Variants in SLC25A21 observed in about 807,000 individuals in gnomAD.
SLC25A21 encodes solute carrier family 25 member 21.
A neutral mutation model predicts 43.8 loss-of-function variants in SLC25A21; 47 were observed. The observed-to-expected ratio is 1.07, with a 90% confidence interval of 0.85 to 1.37. The LOEUF (loss-of-function observed/expected upper bound fraction) is 1.37, where lower values mean the gene tolerates loss of function less well. Ranked by LOEUF, SLC25A21 falls within the 40% of genes most tolerant of loss-of-function variation. The pLI is 0.00. For missense variants in SLC25A21, 352 were observed against 350.2 expected (o/e 1.00, Z -0.04); for synonymous variants, 131 against 121.3 (o/e 1.08, Z -0.52).
intron 5 of SLC25A21, among the ~76,000 whole-genome samples, chr14:36,726,610 C>T (rs371762073): frequency 3.8e-4 from 58 of 152,320 alleles, no homozygotes; most frequent in African/African-American, 1.4e-3. Context: ...CAGGAAAGGA[C>T]AATTTTCTAG....
intron 2 of SLC25A21, among the ~76,000 whole-genome samples, chr14:36,873,268 G>A (rs143186904): frequency 6.6e-6 from 1 of 151,808 alleles, no homozygotes; most frequent in Admixed American, 6.6e-5. Flanking sequence ...TATAATTTGT[G>A]GTTTTCTTTT....
chr14:36,862,761 A>T (rs555885754), intron 2 of SLC25A21, among the ~76,000 whole-genome samples: 3 of 152,294 alleles, frequency 2.0e-5, no homozygotes, highest in South Asian at 2.1e-4. Flanking sequence ...AGTATAATTT[A>T]AAAAAAGGAG....
chr14:36,732,737 A>G (rs1458283374), intron 4 of SLC25A21, among the ~76,000 whole-genome samples: 1 of 152,196 alleles, frequency 6.6e-6, no homozygotes, highest in Admixed American at 6.5e-5. Context: ...CGTTAAAATC[A>G]GGTGATTGCT....
intron 1 of SLC25A21, among the ~76,000 whole-genome samples, chr14:37,154,078 T>C (rs927001333): frequency 6.6e-5 from 10 of 152,044 alleles, no homozygotes; most frequent in African/African-American, 2.4e-4. Flanking sequence ...AAATCAGACC[T>C]CTAGTAACCA....
intron 1 of SLC25A21, among the ~76,000 whole-genome samples, chr14:36,990,980 T>G (rs917954081): frequency 8.5e-5 from 13 of 152,220 alleles, no homozygotes; most frequent in African/African-American, 3.1e-4. Flanking sequence ...TACTTTCATG[T>G]GCTGGAAAAC....
chr14:36,832,986 A>C (rs1376273456), intron 2 of SLC25A21, among the ~76,000 whole-genome samples: 1 of 152,316 alleles, frequency 6.6e-6, no homozygotes, highest in South Asian at 2.1e-4. Context: ...TGGAAAAAAA[A>C]CCTGGATTTC....
At chr14:37,073,912 C>A (rs1158353760) in intron 1 of SLC25A21, among the ~76,000 whole-genome samples, 2 of 148,140 alleles carry the variant, frequency 1.4e-5, no homozygotes, top group Non-Finnish European at 2.9e-5. Flanking sequence ...AAAATGCTTT[C>A]TGCCTTTCTT....
At chr14:37,107,094 G>C (rs1230841814) in intron 1 of SLC25A21, among the ~76,000 whole-genome samples, 1 of 151,540 alleles carries the variant, frequency 6.6e-6, no homozygotes, top group African/African-American at 2.4e-5. Flanking sequence ...AAATGTTCTT[G>C]GAATAAAAAG....
chr14:36,796,342 T>C (rs1259764859), intron 3 of SLC25A21, among the ~76,000 whole-genome samples: 2 of 151,602 alleles, frequency 1.3e-5, no homozygotes, highest in African/African-American at 2.4e-5. Flanking sequence ...AAAAAGACAG[T>C]ATGGTAATTT....
At chr14:36,938,627 T>C (rs547217417) in intron 1 of SLC25A21, among the ~76,000 whole-genome samples, 3 of 152,038 alleles carry the variant, frequency 2.0e-5, no homozygotes, top group African/African-American at 2.4e-5. Flanking sequence ...AGCTGGATCA[T>C]TGCACAGAAA....
At chr14:36,815,776 A>G (rs1033890351) in intron 2 of SLC25A21, among the ~76,000 whole-genome samples, 1 of 151,994 alleles carries the variant, frequency 6.6e-6, no homozygotes, top group Non-Finnish European at 1.5e-5. Context: ...GTTGTTTTCT[A>G]TACTTTGGGT....
At chr14:36,778,216 T>C (rs1886907389) in intron 3 of SLC25A21, among the ~76,000 whole-genome samples, 1 of 152,244 alleles carries the variant, frequency 6.6e-6, no homozygotes, top group South Asian at 2.1e-4. Flanking sequence ...TGACTTCATC[T>C]CCTACATGTA....
rs573908632 is a variant in SLC25A21, at chr14:37,009,803, C to T, written c.71-134799G>A. ...AACTAGTTCAGGTATTAATGTTCAC[C>T]ATACAGCACAGGACAGGCACAATCA... On this transcript the variant is annotated intron_variant, in intron 1 of 9. Coordinates refer to ENST00000331299, the MANE Select transcript of SLC25A21 (RefSeq NM_030631.4). Among the ~76,000 whole-genome samples, 6 of 152,186 alleles carry T rather than the reference C, an allele frequency of 3.9e-5. No homozygotes were observed. In the South Asian group the frequency reaches 6.2e-4, roughly 16 times the overall value.
At chr14:36,989,331 C>A (rs771326186) in intron 1 of SLC25A21, among the ~76,000 whole-genome samples, 5 of 152,114 alleles carry the variant, frequency 3.3e-5, no homozygotes, top group Non-Finnish European at 5.9e-5. Context: ...TTTTTAATTT[C>A]TAAAGTGTAA....
intron 1 of SLC25A21, among the ~76,000 whole-genome samples, chr14:36,996,746 G>A (rs539871545): frequency 2.6e-5 from 4 of 152,240 alleles, no homozygotes; most frequent in Admixed American, 1.3e-4. Flanking sequence ...TGAGTCAGCC[G>A]AGGAGTCAGC....
chr14:36,802,153 G>C (rs923695873), intron 3 of SLC25A21, among the ~76,000 whole-genome samples: 1 of 152,106 alleles, frequency 6.6e-6, no homozygotes, highest in Non-Finnish European at 1.5e-5. Flanking sequence ...GATACCATGG[G>C]TGTCGTAAAT....
At chr14:36,714,881 T>C (rs8005927) in intron 6 of SLC25A21, among the ~76,000 whole-genome samples, 136 of 152,352 alleles carry the variant, frequency 8.9e-4, no homozygotes, top group Middle Eastern at 6.8e-3. Flanking sequence ...TCCAAATCTG[T>C]ACTTTTACAC....
At chr14:37,022,177 C>T (rs1961001448) in intron 1 of SLC25A21, among the ~76,000 whole-genome samples, 4 of 151,724 alleles carry the variant, frequency 2.6e-5, no homozygotes, top group African/African-American at 9.7e-5. Flanking sequence ...TATAATACAT[C>T]TTGTACAGCT....
At chr14:37,097,504 T>C (rs908958359) in intron 1 of SLC25A21, among the ~76,000 whole-genome samples, 3 of 152,142 alleles carry the variant, frequency 2.0e-5, no homozygotes, top group East Asian at 1.9e-4. Flanking sequence ...GCCTCATAAA[T>C]ATCCATATTC....
Sources: gnomAD v4.1 joint callset for allele counts (sites outside exome capture counted in the v4.1 genomes callset) on GRCh38, gnomAD v4.1.1 for gene constraint, MANE v1.5 for transcripts, NCBI Gene and HGNC (gene_info 2026-07-23, HGNC 2026-07-21) for gene names.